CCSER1: variants seen among roughly 807,000 people sequenced by gnomAD.
CCSER1 encodes serine-rich coiled-coil domain-containing protein 1.
CCSER1 carries 41 observed loss-of-function variants against 82.0 expected under a neutral mutation model. The observed-to-expected ratio is 0.50, with a 90% CI of 0.39 to 0.65. CCSER1 has a LOEUF of 0.65. Ranked by LOEUF, CCSER1 falls within the 30% of genes least tolerant of loss-of-function variation. The probability of loss-of-function intolerance (pLI) is 0.00; values close to 1 mark genes in which losing one functional copy is unlikely to be tolerated. For missense variants in CCSER1, 1,119 were observed against 1,064.2 expected (o/e 1.05, Z -0.72); for synonymous variants, 414 against 383.9 (o/e 1.08, Z -0.92).
At chr4:91,286,985 T>C (rs764347510) in intron 10 of CCSER1, among the ~76,000 whole-genome samples, 3 of 151,848 alleles carry the variant, frequency 2.0e-5, no homozygotes, top group Non-Finnish European at 4.4e-5. Flanking sequence ...CATCAGATAG[T>C]TCAATGTTAA....
chr4:91,425,406 G>A lies in CCSER1; in HGVS notation c.2218-173166G>A, dbSNP rs188961339. On this transcript the variant is annotated intron_variant, in intron 10 of 10. Coordinates refer to ENST00000509176, the MANE Select transcript of CCSER1 (RefSeq NM_001145065.2). Reference sequence around the variant, plus strand: ...CATCCCAAGAATATTATAATTACACGTTCTTATGAATTACATGGGAATTGC... The same window carrying A: ...CATCCCAAGAATATTATAATTACACATTCTTATGAATTACATGGGAATTGC... Among the ~76,000 whole-genome samples, 6 of 152,030 alleles carry A rather than the reference G, an allele frequency of 3.9e-5. No homozygotes were observed. The East Asian group carries it at 7.7e-4, about 20-fold the overall frequency.
At chr4:90,209,336 A>G (rs926062199) in intron 1 of CCSER1, among the ~76,000 whole-genome samples, 3 of 152,218 alleles carry the variant, frequency 2.0e-5, no homozygotes, top group Middle Eastern at 3.4e-3. Context: ...GTGTACTACT[A>G]TCATTGGTAG....
intron 9 of CCSER1, chr4:90,938,722 T>C: frequency 2.6e-6 from 1 of 384,278 alleles, no homozygotes. Flanking sequence ...AAACCAGTAC[T>C]TATTTCAACT....
intron 3 of CCSER1, among the ~76,000 whole-genome samples, chr4:90,359,865 GTATA>G (rs1247101669): frequency 1.4e-5 from 2 of 145,366 alleles, no homozygotes; most frequent in African/African-American, 2.6e-5. Context: ...ATATATATGT[GTATA>G]TATATGTGTG....
chr4:90,721,313 A>G (rs1742635936), intron 6 of CCSER1, among the ~76,000 whole-genome samples: 1 of 151,960 alleles, frequency 6.6e-6, no homozygotes, highest in African/African-American at 2.4e-5. Context: ...GGTTAAGAAC[A>G]CTTGTTAGAA....
chr4:91,466,093 A>C (rs1336787186), intron 10 of CCSER1, among the ~76,000 whole-genome samples: 2 of 152,202 alleles, frequency 1.3e-5, no homozygotes, highest in Admixed American at 1.3e-4. Flanking sequence ...ACATTGATGC[A>C]AAAATCCTCA....
chr4:90,356,666 G>A (rs921794576), intron 3 of CCSER1, among the ~76,000 whole-genome samples: 1 of 151,628 alleles, frequency 6.6e-6, no homozygotes, highest in Admixed American at 6.6e-5. Flanking sequence ...CTTTAGCTAC[G>A]ATCTTTATTT....
At chr4:91,150,852 T>C (rs1429665417) in intron 10 of CCSER1, among the ~76,000 whole-genome samples, 2 of 152,232 alleles carry the variant, frequency 1.3e-5, no homozygotes, top group African/African-American at 4.8e-5. Flanking sequence ...CTTTTTGATG[T>C]GCCGCTGGAT....
intron 3 of CCSER1, among the ~76,000 whole-genome samples, chr4:90,325,362 C>T (rs911356409): frequency 1.3e-5 from 2 of 151,850 alleles, no homozygotes; most frequent in African/African-American, 4.8e-5. Context: ...TACCTGTAAC[C>T]CTACGAATCT....
Position 90,943,130 on chromosome 4 carries a change from T to C in CCSER1, c.2172+19683T>C, listed in dbSNP as rs528609972. Among the ~76,000 whole-genome samples the C allele has an allele frequency of 4.6e-5, 7 of 152,036 alleles. No individual in the cohort carries two copies. The East Asian group carries it at 1.4e-3, about 29-fold the overall frequency. On this transcript the variant is annotated intron_variant, in intron 9 of 10. Coordinates refer to ENST00000509176, the MANE Select transcript of CCSER1 (RefSeq NM_001145065.2). ...CAGGCTCTTCAGAAAACTTTCTTCC[T>C]AATGAGGCTGGCAAGATTTCTGACC...
intron 8 of CCSER1, among the ~76,000 whole-genome samples, chr4:90,907,602 T>C (rs11097276): frequency 0.54 from 81,467 of 151,978 alleles, 23,573 homozygotes; most frequent in African/African-American, 0.76. Context: ...ATAAGATTCT[T>C]TTTTAATAAA....
chr4:91,006,078 C>T (rs1738476269), intron 9 of CCSER1, among the ~76,000 whole-genome samples: 1 of 152,030 alleles, frequency 6.6e-6, no homozygotes, highest in Admixed American at 6.6e-5. Context: ...TTCCATATGA[C>T]TTTTAAGATT....
At chr4:91,157,604 A>G (rs1730939695) in intron 10 of CCSER1, among the ~76,000 whole-genome samples, 1 of 152,036 alleles carries the variant, frequency 6.6e-6, no homozygotes. Context: ...AGTATGCTTC[A>G]TGTATATTTA....
chr4:90,636,400 T>TA lies in CCSER1; in HGVS notation c.1932+8176dup, dbSNP rs1013649983. 1.0e-3 allele frequency among the ~76,000 whole-genome samples: 152 copies of TA among 151,826 alleles called. 1 individual carries two copies. Among genetic ancestry groups the TA allele is most frequent in the Non-Finnish European group, 1.7e-3 (115 of 67,844 alleles). The stretch of plus-strand genomic sequence containing the variant: ...TTTTATGTGGCCAACATATGCCTAT[T>TA]AAAAAAAATTGGCAAAAATCCTTAT... On this transcript the variant is annotated intron_variant, in intron 6 of 10. Coordinates refer to ENST00000509176, the MANE Select transcript of CCSER1 (RefSeq NM_001145065.2).
chr4:90,497,850 C>A (rs112683977), intron 5 of CCSER1, among the ~76,000 whole-genome samples: 2 of 152,050 alleles, frequency 1.3e-5, no homozygotes, highest in African/African-American at 2.4e-5. Context: ...GTCTAGTATA[C>A]CTGTCTCCTA....
chr4:90,724,813 A>G (rs1255841598), intron 7 of CCSER1, among the ~76,000 whole-genome samples: 1 of 151,838 alleles, frequency 6.6e-6, no homozygotes, highest in East Asian at 1.9e-4. Context: ...TACAATTATT[A>G]TGAGAGTTTT....
chr4:90,806,788 G>T (rs1757569482), intron 7 of CCSER1, among the ~76,000 whole-genome samples: 1 of 151,900 alleles, frequency 6.6e-6, no homozygotes, highest in African/African-American at 2.4e-5. Flanking sequence ...TTAGCTATGA[G>T]CCCCTCATTT....
chr4:90,430,173 A>T (rs1469858248), intron 4 of CCSER1, among the ~76,000 whole-genome samples: 1 of 151,910 alleles, frequency 6.6e-6, no homozygotes, highest in Non-Finnish European at 1.5e-5. Flanking sequence ...TTACAGTTAC[A>T]ATTTGTACTT....
At chr4:90,841,350 G>A (rs1233428857) in intron 8 of CCSER1, among the ~76,000 whole-genome samples, 2 of 151,938 alleles carry the variant, frequency 1.3e-5, no homozygotes, top group Non-Finnish European at 2.9e-5. Flanking sequence ...AGGCCGAGGC[G>A]GGTAGATCAC....
Sources: gnomAD v4.1 joint callset for allele counts (sites outside exome capture counted in the v4.1 genomes callset) on GRCh38, gnomAD v4.1.1 for gene constraint, MANE v1.5 for transcripts, NCBI Gene and HGNC (gene_info 2026-07-23, HGNC 2026-07-21) for gene names.